BBS9: variants seen among roughly 807,000 people sequenced by gnomAD.
BBS9 encodes protein PTHB1.
A neutral mutation model predicts 117.7 loss-of-function variants in BBS9; 89 were observed. The ratio of observed to expected loss-of-function variants is 0.76; its 90% CI spans 0.64 to 0.90. The LOEUF (loss-of-function observed/expected upper bound fraction) is 0.90, where lower values mean the gene tolerates loss of function less well. BBS9 is among the 40% of genes least tolerant of loss of function. BBS9 has a pLI of 0.00. For synonymous variants in BBS9, 379 were observed against 370.9 expected, an observed-to-expected ratio of 1.02 and a Z score of -0.25; for missense variants, 982 against 1,042.2, an observed-to-expected ratio of 0.94 and a Z score of 0.80.
intron 11 of BBS9, among the ~76,000 whole-genome samples, chr7:33,342,167 C>T (rs1258623427): frequency 3.9e-5 from 6 of 151,982 alleles, no homozygotes; most frequent in Admixed American, 1.3e-4. Context: ...TGATAAAAAT[C>T]ACATTAACAT....
intron 12 of BBS9, 77 bp downstream of exon 12, chr7:33,344,711 G>C: frequency 1.4e-6 from 2 of 1,410,168 alleles, no homozygotes; most frequent in Non-Finnish European, 2.0e-6. Flanking sequence ...TTGAGAACTT[G>C]TAAGTAGCTT....
intron 19 of BBS9, among the ~76,000 whole-genome samples, chr7:33,409,792 A>G (rs1830775791): frequency 6.6e-6 from 1 of 152,174 alleles, no homozygotes; most frequent in African/African-American, 2.4e-5. Context: ...TTATTAGACT[A>G]TTATTTTTTG....
intron 5 of BBS9, among the ~76,000 whole-genome samples, chr7:33,254,154 C>G (rs940706269): frequency 1.2e-4 from 19 of 152,022 alleles, no homozygotes; most frequent in Non-Finnish European, 1.0e-4. Flanking sequence ...TATAGATGTT[C>G]TCTTTTATTT....
intron 11 of BBS9, among the ~76,000 whole-genome samples, chr7:33,342,675 T>C (rs1816789622): frequency 6.6e-6 from 1 of 152,184 alleles, no homozygotes; most frequent in African/African-American, 2.4e-5. Flanking sequence ...TGGAAAACAT[T>C]AGCCCTACAA....
At chr7:33,466,198 G>A (rs373692263) in intron 19 of BBS9, among the ~76,000 whole-genome samples, 10 of 152,130 alleles carry the variant, frequency 6.6e-5, no homozygotes, top group African/African-American at 7.2e-5. Flanking sequence ...AATTTCAAGC[G>A]TACAATACAG....
chr7:33,492,247 GT>G (rs1274293333), intron 19 of BBS9, among the ~76,000 whole-genome samples: 1 of 145,912 alleles, frequency 6.9e-6, no homozygotes, highest in African/African-American at 2.6e-5. Flanking sequence ...TTGGTTGAGT[GT>G]TTAGCCAGGG....
Position 33,526,294 on chromosome 7 carries a change from C to T in BBS9, c.2299-7660C>T, listed in dbSNP as rs9769319. Among the ~76,000 whole-genome samples, 414 of 152,242 alleles carry T rather than the reference C, an allele frequency of 2.7e-3. 1 individual carries two copies. The highest frequency in any genetic ancestry group is 9.1e-3 in the African/African-American group (379 of 41,532). ...GTATTTCCTGAATCTGAACATTGGCCTGCCTTGCTAGATTGGGGAAATTCT... is the reference window on the plus strand; with the variant it reads ...GTATTTCCTGAATCTGAACATTGGCTTGCCTTGCTAGATTGGGGAAATTCT... On this transcript the variant is annotated intron_variant, in intron 20 of 22. Transcript: ENST00000242067.
chr7:33,146,212 A>C, intron 1 of BBS9, 30 bp from the exon 2 acceptor site: 2 of 1,431,474 alleles, frequency 1.4e-6, no homozygotes, highest in Non-Finnish European at 2.0e-6. Flanking sequence ...CATAGTGTGA[A>C]GTAGATTATT....
At chr7:33,386,459 T>C (rs202203207) in intron 18 of BBS9, among the ~76,000 whole-genome samples, 40 of 11,872 alleles carry the variant, frequency 3.4e-3, no homozygotes, top group Middle Eastern at 0.083. Context: ...TGCTTTCATT[T>C]ATTTATTTAT....
In BBS9 at chr7:33,488,365, C is replaced by T. The variant is rs1843400626; in HGVS notation, c.2116-17098C>T. Among the ~76,000 whole-genome samples, 3 of 152,032 alleles carry T rather than the reference C, an allele frequency of 2.0e-5. No homozygotes were observed. In the South Asian group the frequency reaches 6.2e-4, roughly 32 times the overall value. On this transcript the variant is annotated intron_variant, in intron 19 of 22. Coordinates refer to ENST00000242067, the MANE Select transcript of BBS9 (RefSeq NM_198428.3). ...TGTAACTTGACATTTTGCATTTTTTCCTCATAAAAGGGGGACTTAGGTGCT... is the reference window on the plus strand; with the variant it reads ...TGTAACTTGACATTTTGCATTTTTTTCTCATAAAAGGGGGACTTAGGTGCT...
intron 21 of BBS9, among the ~76,000 whole-genome samples, chr7:33,571,008 T>C (rs562073175): frequency 6.6e-6 from 1 of 152,304 alleles, no homozygotes; most frequent in South Asian, 2.1e-4. Context: ...GAAAAACTGG[T>C]GAAATTTGAA....
rs796691873 is a variant in BBS9, at chr7:33,175,661, C to T, written c.329-1817C>T. On this transcript the variant is annotated intron_variant, in intron 4 of 22. Transcript: ENST00000242067. ...CATGGTCTGGTCAGTTGGCTGCCTACGATTGGCTGAATGTCAGCTACCATG... is the reference window on the plus strand; with the variant it reads ...CATGGTCTGGTCAGTTGGCTGCCTATGATTGGCTGAATGTCAGCTACCATG... Among the ~76,000 whole-genome samples the T allele has an allele frequency of 5.9e-5, 9 of 151,928 alleles. No individual in the cohort carries two copies. In the South Asian group the frequency reaches 6.2e-4, roughly 11 times the overall value.
At position 33,157,110 on chromosome 7, in the gene BBS9, A is replaced by G. The variant is rs542165656; in HGVS notation, c.328+1408A>G. Among the ~76,000 whole-genome samples the G allele has an allele frequency of 2.0e-5, 3 of 152,200 alleles. No homozygotes were observed. In the South Asian group the frequency reaches 6.2e-4, roughly 32 times the overall value. On this transcript the variant is annotated intron_variant, in intron 4 of 22. Transcript: ENST00000242067. ...CATGGGGGCTCTAAGCAGGGCAGAG[A>G]GGAGGGTATCTTAGAAGCTAGAAAT...
intron 5 of BBS9, among the ~76,000 whole-genome samples, chr7:33,215,107 G>C (rs1162096598): frequency 6.6e-6 from 1 of 152,212 alleles, no homozygotes; most frequent in Non-Finnish European, 1.5e-5. Context: ...CAGGAGAATG[G>C]TGTGAACCCG....
chr7:33,245,754 T>C (rs1284395901), intron 5 of BBS9, among the ~76,000 whole-genome samples: 2 of 152,182 alleles, frequency 1.3e-5, no homozygotes, highest in African/African-American at 4.8e-5. Context: ...ACAGATATTT[T>C]TGGAGCACTA....
intron 21 of BBS9, among the ~76,000 whole-genome samples, chr7:33,634,104 G>A (rs1341434723): frequency 2.6e-5 from 4 of 152,196 alleles, no homozygotes; most frequent in African/African-American, 2.4e-5. Flanking sequence ...TCCTCACGCA[G>A]GCCCGTCTCC....
intron 21 of BBS9, among the ~76,000 whole-genome samples, chr7:33,601,948 C>T (rs1863859880): frequency 6.6e-6 from 1 of 152,110 alleles, no homozygotes; most frequent in Non-Finnish European, 1.5e-5. Flanking sequence ...AGATGGATGG[C>T]CAGTCTAACT....
rs146123693 is a variant in BBS9 at position 33,514,231 on chromosome 7, A to T, written c.2298+8586A>T. Among the ~76,000 whole-genome samples, 182 of 152,322 alleles carry T rather than the reference A, an allele frequency of 1.2e-3. 2 individuals are homozygous for T. In the East Asian group the frequency reaches 0.033, roughly 27 times the overall value. On this transcript the variant is annotated intron_variant, in intron 20 of 22. Transcript: ENST00000242067. ...GGTTTCCTTATCTGTACGGTGGTGA[A>T]CTAGACTATTCCCCAAGGACTGGTT...
intron 21 of BBS9, among the ~76,000 whole-genome samples, chr7:33,601,645 G>C (rs1237709638): frequency 6.6e-6 from 1 of 152,072 alleles, no homozygotes; most frequent in Admixed American, 6.6e-5. Context: ...ATTCCTGTTC[G>C]GCTGGTGTGA....
Sources: gnomAD v4.1 joint callset for allele counts (sites outside exome capture counted in the v4.1 genomes callset) on GRCh38, gnomAD v4.1.1 for gene constraint, MANE v1.5 for transcripts, NCBI Gene and HGNC (gene_info 2026-07-23, HGNC 2026-07-21) for gene names.